The following SH3BP4 variants were observed in gnomAD, a reference collection of about 807,000 sequenced individuals.
The protein encoded by SH3BP4 is SH3 domain-binding protein 4.
A neutral mutation model predicts 65.5 loss-of-function variants in SH3BP4; 33 were observed. The ratio of observed to expected loss-of-function variants is 0.50; its 90% CI spans 0.38 to 0.67. The LOEUF (loss-of-function observed/expected upper bound fraction) is 0.67, where lower values mean the gene tolerates loss of function less well. SH3BP4 is among the 30% of genes least tolerant of loss of function. The pLI is 0.00. For missense variants in SH3BP4, 1,134 were observed against 1,261.4 expected (o/e 0.90, Z 1.53); for synonymous variants, 552 against 545.5 (o/e 1.01, Z -0.17).
At position 235,042,650 on chromosome 2, in the gene SH3BP4, G is replaced by A; in HGVS notation, c.1881G>A (p.Lys627=). The A allele has an allele frequency of 6.2e-7, 1 of 1,614,136 alleles. No homozygotes were observed. The highest frequency in any genetic ancestry group is 8.5e-7 in the Non-Finnish European group (1 of 1,180,026). ...CTTCCGGGCAAAGGAGGTTTCTCAA[G>A]AAGAACGAAGTCGGGAAAATCATCC... is the stretch of plus-strand genomic sequence containing the variant. ...IKPSGQRRFL[K]KNEVGKIILS... is the part of the protein sequence containing the mutation. Residue 627 remains lysine (K), a synonymous_variant, in exon 4 of 6, where the codon AAG becomes AAA. Coordinates refer to ENST00000392011, the MANE Select transcript of SH3BP4 (RefSeq NM_014521.3). This position sits in a 1 kb window ranked among gnomAD's most constrained non-coding sequence, Gnocchi z 7.3.
At position 234,976,436 on chromosome 2, in the gene SH3BP4, G is replaced by A. The variant is rs1212653147; in HGVS notation, c.-206-18867G>A. On this transcript the variant is annotated intron_variant, in intron 1 of 5. Transcript: ENST00000392011. This position sits in a 1 kb window ranked among gnomAD's most constrained non-coding sequence, Gnocchi z 4.7. ...AGATCCTTAGGGGGTGACAGGGCCG[G>A]TGTGTACCAGGTTAAGGTCTCTCTT... 6.6e-6 allele frequency among the ~76,000 whole-genome samples: 1 copy of A among 152,210 alleles called. No individual in the cohort carries two copies. The highest frequency in any genetic ancestry group is 1.5e-5 in the Non-Finnish European group (1 of 68,040).
chr2:234,961,265 TTTTG>T (rs1476170390), intron 1 of SH3BP4, among the ~76,000 whole-genome samples: 1 of 151,982 alleles, frequency 6.6e-6, no homozygotes, highest in Non-Finnish European at 1.5e-5. Context: ...TCCCTGTGGT[TTTTG>T]TTTGTTTGTT....
chr2:235,021,641 A>G (rs1053060933), intron 2 of SH3BP4, among the ~76,000 whole-genome samples: 2 of 151,872 alleles, frequency 1.3e-5, no homozygotes, highest in Non-Finnish European at 2.9e-5. Context: ...AAAAAATGAT[A>G]ATAATAAAGT....
chr2:235,041,761 A>G lies in SH3BP4; in HGVS notation c.992A>G (p.Gln331Arg), dbSNP rs780844581. 4.4e-5 allele frequency: 70 copies of G among 1,602,194 alleles called. No homozygotes were observed. Among genetic ancestry groups the G allele is most frequent in the Middle Eastern group, 3.3e-4 (2 of 6,034 alleles). Residue 331 changes from glutamine (Q) to arginine (R), a missense_variant, in exon 4 of 6, where the codon CAG becomes CGG. Gln to Arg is a conservative substitution (Grantham distance 43, BLOSUM62 1). Transcript: ENST00000392011. The surrounding 1 kb of genome is among the most constrained non-coding windows in gnomAD (Gnocchi z 6.0). ...CKLDSSGGAV[Q>R]LPDTSISIHV... Reference sequence around the variant, plus strand: ...CTGGATAGCTCCGGGGGTGCTGTCCAGCTTCCTGACACCAGCATCAGCATC... The same window carrying G: ...CTGGATAGCTCCGGGGGTGCTGTCCGGCTTCCTGACACCAGCATCAGCATC...
In SH3BP4 at chr2:234,976,950, G is replaced by A. The variant is rs979589459; in HGVS notation, c.-206-18353G>A. 2.6e-5 allele frequency among the ~76,000 whole-genome samples: 4 copies of A among 152,152 alleles called. No individual in the cohort carries two copies. Among genetic ancestry groups the A allele is most frequent in the African/African-American group, 7.2e-5 (3 of 41,424 alleles). Reference sequence around the variant, plus strand: ...CCTCAGGGACAAACATAGGAGACCCGGATGAAGGACAGGCTTTATTGTTTG... The same window carrying A: ...CCTCAGGGACAAACATAGGAGACCCAGATGAAGGACAGGCTTTATTGTTTG... On this transcript the variant is annotated intron_variant, in intron 1 of 5. Coordinates refer to ENST00000392011, the MANE Select transcript of SH3BP4 (RefSeq NM_014521.3). This position sits in a 1 kb window ranked among gnomAD's most constrained non-coding sequence, Gnocchi z 4.7.
chr2:235,035,234 GTTTAGTTCTTTAAAC>G lies in SH3BP4; in HGVS notation c.118+117_118+131del. The G allele has an allele frequency of 3.7e-6, 3 of 800,536 alleles. No homozygotes were observed. In the South Asian group the frequency reaches 4.4e-5, roughly 12 times the overall value. 49.6% of individuals were successfully genotyped at this position (800,536 alleles called of 1,614,324 possible). On this transcript the variant is annotated intron_variant, in intron 3 of 5. Transcript: ENST00000392011. The surrounding 1 kb of genome is among the most constrained non-coding windows in gnomAD (Gnocchi z 5.0). ...CCAGTTTAGCATTCAGATAGTTAAA[GTTTAGTTCTTTAAAC>G]TTCATCATGGTAATAGATTTAGCCC... is the stretch of plus-strand genomic sequence containing the variant.
chr2:235,016,418 T>C (rs1031494145), intron 2 of SH3BP4, among the ~76,000 whole-genome samples: 1 of 152,204 alleles, frequency 6.6e-6, no homozygotes, highest in Non-Finnish European at 1.5e-5. Context: ...CCTCTGTGAC[T>C]GGAAGTGTCT....
intron 4 of SH3BP4, among the ~76,000 whole-genome samples, chr2:235,050,826 C>T (rs930002747): frequency 2.0e-5 from 3 of 151,546 alleles, no homozygotes; most frequent in African/African-American, 7.3e-5. Flanking sequence ...CCGGTACCAG[C>T]GGTGTGGTTG....
In SH3BP4 at chr2:235,053,913, G is replaced by C. The variant is rs912304548; in HGVS notation, c.*97G>C. On this transcript the variant is annotated 3_prime_UTR_variant, in exon 6 of 6. Coordinates refer to ENST00000392011, the MANE Select transcript of SH3BP4 (RefSeq NM_014521.3). Reference sequence around the variant, plus strand: ...GGAGCTGAAGAGGGAGGAAGGGGCGGCTGCTCAGACAGATTTAGGGCCCGC... The same window carrying C: ...GGAGCTGAAGAGGGAGGAAGGGGCGCCTGCTCAGACAGATTTAGGGCCCGC... The C allele has an allele frequency of 1.5e-5, 15 of 999,762 alleles. No individual in the cohort carries two copies. In the African/African-American group the frequency reaches 2.1e-4, roughly 14 times the overall value. 61.9% of individuals were successfully genotyped at this position (999,762 alleles called of 1,614,324 possible).
chr2:235,016,487 A>G (rs950102176), intron 2 of SH3BP4, among the ~76,000 whole-genome samples: 2 of 151,900 alleles, frequency 1.3e-5, no homozygotes, highest in African/African-American at 4.8e-5. Flanking sequence ...ACCACCGCCC[A>G]TTCACTCGTC....
At chr2:235,021,509 G>T (rs1694844492) in intron 2 of SH3BP4, among the ~76,000 whole-genome samples, 2 of 151,402 alleles carry the variant, frequency 1.3e-5, no homozygotes, top group South Asian at 4.2e-4. Flanking sequence ...TGTAATCCCA[G>T]TTAGGAGGCT....
chr2:234,973,485 T>G (rs1361797978), intron 1 of SH3BP4, among the ~76,000 whole-genome samples: 1 of 152,130 alleles, frequency 6.6e-6, no homozygotes, highest in Non-Finnish European at 1.5e-5. Flanking sequence ...TGAAATCAAG[T>G]CATCGAGGAT....
chr2:234,996,817 G>A (rs140019704), intron 2 of SH3BP4, among the ~76,000 whole-genome samples: 1 of 152,356 alleles, frequency 6.6e-6, no homozygotes, highest in Non-Finnish European at 1.5e-5. Flanking sequence ...GACTGGCCTC[G>A]CTGGACTTTG....
intron 3 of SH3BP4, among the ~76,000 whole-genome samples, chr2:235,039,227 G>T (rs1383236692): frequency 6.6e-6 from 1 of 152,162 alleles, no homozygotes; most frequent in Non-Finnish European, 1.5e-5. Flanking sequence ...GCCCAGGGAT[G>T]CTCCCAGCTA....
intron 1 of SH3BP4, among the ~76,000 whole-genome samples, chr2:234,959,122 G>A (rs1471978704): frequency 2.0e-5 from 3 of 152,168 alleles, no homozygotes; most frequent in African/African-American, 7.2e-5. Context: ...TTTGTGGAGG[G>A]CTGGCTGGGG....
At chr2:235,039,210 C>T (rs1227957135) in intron 3 of SH3BP4, among the ~76,000 whole-genome samples, 2 of 152,150 alleles carry the variant, frequency 1.3e-5, no homozygotes, top group Non-Finnish European at 2.9e-5. Flanking sequence ...GTAGGTGGGG[C>T]TTCAAGGCCC....
intron 2 of SH3BP4, among the ~76,000 whole-genome samples, chr2:235,018,467 TC>T (rs1432010509): frequency 6.6e-6 from 1 of 152,182 alleles, no homozygotes; most frequent in Non-Finnish European, 1.5e-5. Context: ...TACCACAGCA[TC>T]TAGCATGCTT....
intron 2 of SH3BP4, among the ~76,000 whole-genome samples, chr2:234,996,919 G>A (rs1315216919): frequency 6.6e-6 from 1 of 152,136 alleles, no homozygotes; most frequent in Non-Finnish European, 1.5e-5. Context: ...TTCCTTGGGC[G>A]GCACGCATGT....
chr2:234,959,940 C>T (rs917632474), intron 1 of SH3BP4, among the ~76,000 whole-genome samples: 4 of 152,180 alleles, frequency 2.6e-5, no homozygotes, highest in African/African-American at 9.7e-5. Flanking sequence ...GCATGAGCCA[C>T]CTTGCCCGGC....
Sources: gnomAD v4.1 joint callset for allele counts (sites outside exome capture counted in the v4.1 genomes callset) on GRCh38, gnomAD v4.1.1 for gene constraint, Gnocchi (gnomAD v3.1) non-coding constraint, MANE v1.5 for transcripts, NCBI Gene and HGNC (gene_info 2026-07-23, HGNC 2026-07-21) for gene names.